The following CACNA1S variants were observed in gnomAD, a reference collection of about 807,000 sequenced individuals.
CACNA1S encodes calcium voltage-gated channel subunit alpha1 S, also known as voltage-dependent L-type calcium channel subunit alpha-1S.
A neutral mutation model predicts 207.4 loss-of-function variants in CACNA1S; 126 were observed. The observed-to-expected ratio is 0.61, with a 90% CI of 0.53 to 0.70. The LOEUF (loss-of-function observed/expected upper bound fraction) is 0.70. Among genes scored for constraint, CACNA1S ranks in the 30% least tolerant of loss-of-function variants. CACNA1S has a pLI of 0.00. For missense variants in CACNA1S, 2,349 were observed against 2,422.8 expected (o/e 0.97, Z 0.64); for synonymous variants, 960 against 932.7 (o/e 1.03, Z -0.53).
In CACNA1S at chr1:201,040,761, A is replaced by C. The variant is rs746639984; in HGVS notation, c.5135-48T>G. 4.7e-6 allele frequency: 7 copies of C among 1,481,598 alleles called. No homozygotes were observed. In the East Asian group the frequency reaches 1.6e-4, roughly 34 times the overall value. 91.8% of individuals were successfully genotyped at this position (1,481,598 alleles called of 1,614,324 possible). ...ATAAGAGGGGCTGCTGACTCCTGCC[A>C]GGAGCCCTGAGTCAACAGAGGCTCG... is the stretch of plus-strand genomic sequence containing the variant. On this transcript the variant is annotated intron_variant, in intron 41 of 43. Coordinates refer to ENST00000362061, the MANE Select transcript of CACNA1S (RefSeq NM_000069.3).
chr1:201,053,180 G>T lies in CACNA1S; in HGVS notation c.3861+29C>A. On this transcript the variant is annotated intron_variant, in intron 31 of 43. Coordinates refer to ENST00000362061, the MANE Select transcript of CACNA1S (RefSeq NM_000069.3). This position sits in a 1 kb window ranked among gnomAD's most constrained non-coding sequence, Gnocchi z 5.1. ...CCCCTCTAACTTGGCCAAGATCCAT[G>T]CTTTGGCCTGGGCCCGCCTGCCTCT... 1 of 1,613,560 alleles carries T rather than the reference G, an allele frequency of 6.2e-7. No individual in the cohort carries two copies. The highest frequency in any genetic ancestry group is 8.5e-7 in the Non-Finnish European group (1 of 1,179,492).
intron 26 of CACNA1S, among the ~76,000 whole-genome samples, chr1:201,059,503 C>T (rs934928215): frequency 6.6e-6 from 1 of 152,226 alleles, no homozygotes; most frequent in Non-Finnish European, 1.5e-5. Context: ...CCTCCCCCTA[C>T]CCCACCACCA....
chr1:201,105,275 C>T lies in CACNA1S; in HGVS notation c.258+4889G>A, dbSNP rs535212070. ...ACCTGGGGGTCTCTGTGACTATAGGCTTTTTGGCTGGTGAGCCTGCTCTGT... is the reference window on the plus strand; with the variant it reads ...ACCTGGGGGTCTCTGTGACTATAGGTTTTTTGGCTGGTGAGCCTGCTCTGT... On this transcript the variant is annotated intron_variant, in intron 2 of 43. Transcript: ENST00000362061. Among the ~76,000 whole-genome samples the T allele has an allele frequency of 1.2e-3, 178 of 152,288 alleles. No individual in the cohort carries two copies. In the South Asian group the frequency reaches 0.015, roughly 13 times the overall value.
Position 201,094,031 on chromosome 1 carries a change from C to A in CACNA1S, c.259-10G>T. 2 of 1,614,150 alleles carry A rather than the reference C, an allele frequency of 1.2e-6. No homozygotes were observed. The highest frequency in any genetic ancestry group is 8.5e-7 in the Non-Finnish European group (1 of 1,180,012). On this transcript the variant is annotated splice_polypyrimidine_tract_variant and intron_variant, in intron 2 of 43. Coordinates refer to ENST00000362061, the MANE Select transcript of CACNA1S (RefSeq NM_000069.3). ...AATACTCCAGCTTCTCCTGTGGGAGCAAACGTGGTCACAGCATGCCTCTGT... is the reference window on the plus strand; with the variant it reads ...AATACTCCAGCTTCTCCTGTGGGAGAAAACGTGGTCACAGCATGCCTCTGT...
chr1:201,074,360 G>T lies in CACNA1S; in HGVS notation c.2063+146C>A, dbSNP rs374902603. On this transcript the variant is annotated intron_variant, in intron 14 of 43. Transcript: ENST00000362061. ...GGAAGGATCTCAGCCACCCCCATGT[G>T]CAGGTTACAGAAGTTTGCCCACTGA... The T allele has an allele frequency of 1.8e-4, 127 of 694,578 alleles. No individual in the cohort carries two copies. In the Middle Eastern group the frequency reaches 2.3e-3, roughly 13 times the overall value. The allele number at this position is 694,578 out of a possible 1,614,324, so 43.0% of individuals were successfully genotyped here. A position where few individuals can be genotyped will look rare whatever the true frequency, so the allele number is the denominator to read the frequency against.
Position 201,087,945 on chromosome 1 carries a change from G to T in CACNA1S, c.901-16C>A, listed in dbSNP as rs753250644. 7.1e-6 allele frequency: 11 copies of T among 1,551,018 alleles called. No individual in the cohort carries two copies. The African/African-American group carries it at 1.5e-4, about 21-fold the overall frequency. On this transcript the variant is annotated splice_polypyrimidine_tract_variant and intron_variant, in intron 6 of 43. Transcript: ENST00000362061. Reference sequence around the variant, plus strand: ...CATCATTGACCTGGTCAGGACAGAAGTGTGATCCTCTGAGTTGAGGGCTTG... The same window carrying T: ...CATCATTGACCTGGTCAGGACAGAATTGTGATCCTCTGAGTTGAGGGCTTG...
chr1:201,039,681 G>A lies in CACNA1S; in HGVS notation c.*150C>T. On this transcript the variant is annotated 3_prime_UTR_variant, in exon 44 of 44. Transcript: ENST00000362061. ...AGCTACTTCCTCCGCACTTTTTGAG[G>A]TGGTTCCTGACCACCCTGCCTCAGG... 3.0e-6 allele frequency: 3 copies of A among 1,004,196 alleles called. No individual in the cohort carries two copies. The highest frequency in any genetic ancestry group is 3.0e-6 in the Non-Finnish European group (2 of 669,986). The allele number at this position is 1,004,196 out of a possible 1,614,324, so 62.2% of individuals were successfully genotyped here.
intron 2 of CACNA1S, among the ~76,000 whole-genome samples, chr1:201,098,137 T>C (rs1276537992): frequency 6.6e-6 from 1 of 152,226 alleles, no homozygotes; most frequent in Non-Finnish European, 1.5e-5. Context: ...TATAACATCA[T>C]TGAGAGCAGG....
At chr1:201,040,580 G>A in intron 42 of CACNA1S, 42 bp downstream of exon 42, 3 of 1,569,644 alleles carry the variant, frequency 1.9e-6, no homozygotes, top group Non-Finnish European at 2.6e-6. Context: ...GCCAGGCAGG[G>A]TCTCTGTATG....
chr1:201,073,555 A>G lies in CACNA1S; in HGVS notation c.2151T>C (p.Thr717=). The G allele has an allele frequency of 6.2e-7, 1 of 1,612,956 alleles. No homozygotes were observed. Among genetic ancestry groups the G allele is most frequent in the Non-Finnish European group, 8.5e-7 (1 of 1,178,882 alleles). Residue 717 remains threonine (T), a synonymous_variant, in exon 15 of 44, where the codon ACT becomes ACC. Transcript: ENST00000362061. ...CCCCACCTGAGGTGCTCACCTTGGC[A>G]GTGGTGGGGATGCCCTCACCCTTGG... The part of the protein sequence containing the change: ...QKPKGEGIPT[T]AKLKIDEFES...
intron 10 of CACNA1S, among the ~76,000 whole-genome samples, chr1:201,079,615 G>A (rs1435509046): frequency 2.2e-5 from 3 of 135,616 alleles, no homozygotes; most frequent in African/African-American, 8.4e-5. Flanking sequence ...ACCGCTCTGG[G>A]ACCCGCAGCT....
In CACNA1S at chr1:201,062,036, G is replaced by A; in HGVS notation, c.2961C>T (p.His987=). The change falls in exon 24 of 44, where the codon CAC becomes CAT. Residue 987 remains histidine, a synonymous_variant. Transcript: ENST00000362061. ...DGDPMQIELR[H]REWVHSDFHF... is the part of the protein sequence containing the mutation. The stretch of plus-strand genomic sequence containing the variant: ...GGAAGTCGCTGTGTACCCACTCGCG[G>A]TGACGCAGCTCTATCTGCATGGGGT... The A allele has an allele frequency of 6.2e-7, 1 of 1,614,186 alleles. No homozygotes were observed. Among genetic ancestry groups the A allele is most frequent in the Non-Finnish European group, 8.5e-7 (1 of 1,180,002 alleles).
intron 9 of CACNA1S, 112 bp from the exon 10 acceptor site, chr1:201,083,434 G>C (rs12743065): frequency 1.0e-5 from 11 of 1,048,922 alleles, no homozygotes; most frequent in Non-Finnish European, 1.5e-6. Flanking sequence ...CCCCACTTCC[G>C]CCAGCCACAT....
rs1275090269 is a variant in CACNA1S, at chr1:201,068,999, T to A, written c.2550+138A>T. The A allele has an allele frequency of 6.5e-6, 5 of 769,936 alleles. No homozygotes were observed. The East Asian group carries it at 1.4e-4, about 21-fold the overall frequency. The allele number at this position is 769,936 out of a possible 1,614,324, so 47.7% of individuals were successfully genotyped here. ...ATCCAGATACTTGTGGGCCTGCCGG[T>A]GTGCTGGGTCCCATGAGTCTTTCCT... is the stretch of plus-strand genomic sequence containing the variant. On this transcript the variant is annotated intron_variant, in intron 19 of 43. Coordinates refer to ENST00000362061, the MANE Select transcript of CACNA1S (RefSeq NM_000069.3).
rs765888271 is a variant in CACNA1S, at chr1:201,077,887, C to T, written c.1611G>A (p.Lys537=). 6 of 1,613,600 alleles carry T rather than the reference C, an allele frequency of 3.7e-6. No individual in the cohort carries two copies. The Middle Eastern group carries it at 5.0e-4, about 134-fold the overall frequency. ...LRCIRLLRIF[K]ITKYWTSLSN... The stretch of plus-strand genomic sequence containing the variant: ...CCGACCCCGGCACTCACTTGGTGAT[C>T]TTGAAGATCCTCAGGAGGCGGATGC... Residue 537 remains lysine (K), a synonymous_variant, in exon 11 of 44, where the codon AAG becomes AAA. Coordinates refer to ENST00000362061, the MANE Select transcript of CACNA1S (RefSeq NM_000069.3).
intron 13 of CACNA1S, among the ~76,000 whole-genome samples, chr1:201,075,081 G>T (rs939275850): frequency 6.6e-6 from 1 of 152,134 alleles, no homozygotes; most frequent in Non-Finnish European, 1.5e-5. Flanking sequence ...AGCCTGTTCT[G>T]GCTCCGTCCT....
chr1:201,106,334 G>A (rs188847732), intron 2 of CACNA1S, among the ~76,000 whole-genome samples: 190 of 151,850 alleles, frequency 1.3e-3, no homozygotes, highest in African/African-American at 4.4e-3. Context: ...CTCACCCCAC[G>A]TCACCCCAAT....
At position 201,083,279 on chromosome 1, in the gene CACNA1S, G is replaced by A; in HGVS notation, c.1276C>T (p.His426Tyr). Residue 426 changes from histidine (H) to tyrosine (Y), a missense_variant, in exon 10 of 44, where the codon CAT becomes TAT. Physicochemically the swap from His to Tyr is moderately conservative, Grantham distance 83. Transcript: ENST00000362061. The part of the protein sequence containing the change: ...QWNRIFRWKC[H>Y]DIVKSKVFYW... ...AAGACCTTGGACTTCACGATGTCAT[G>A]GCACTTCCAGCGAAAGATGCGGTTC... is the stretch of plus-strand genomic sequence containing the variant. 6.2e-7 allele frequency: 1 copy of A among 1,614,210 alleles called. No homozygotes were observed.
chr1:201,049,923 T>C (rs975171219), intron 34 of CACNA1S, among the ~76,000 whole-genome samples: 1 of 152,228 alleles, frequency 6.6e-6, no homozygotes, highest in Non-Finnish European at 1.5e-5. Flanking sequence ...GAGATGCCTA[T>C]TTCCTATCGG....
Sources: allele counts gnomAD v4.1 joint callset (sites outside exome capture counted in the v4.1 genomes callset), GRCh38; gene constraint gnomAD v4.1.1; non-coding constraint Gnocchi (gnomAD v3.1); transcripts MANE v1.5; gene names NCBI Gene and HGNC (gene_info 2026-07-23, HGNC 2026-07-21).